Variants in ATAD2 observed in about 807,000 individuals in gnomAD.
ATAD2 encodes ATPase family AAA domain containing 2, also known as ATPase family AAA domain-containing protein 2.
A neutral mutation model predicts 168.9 loss-of-function variants in ATAD2; 62 were observed. That is an observed-to-expected ratio of 0.37 (90% CI 0.30 to 0.45). The LOEUF is 0.45. Among genes scored for constraint, ATAD2 ranks in the 20% least tolerant of loss-of-function variants. The pLI, the probability that ATAD2 is intolerant of heterozygous loss-of-function variation, is 1.00. For missense variants in ATAD2, 1,419 were observed against 1,667.8 expected, an observed-to-expected ratio of 0.85 and a Z score of 2.60; for synonymous variants, 613 against 571.6, an observed-to-expected ratio of 1.07 and a Z score of -1.03.
intron 8 of ATAD2, among the ~76,000 whole-genome samples, chr8:123,362,638 G>C (rs1828861315): frequency 6.6e-6 from 1 of 151,190 alleles, no homozygotes; most frequent in African/African-American, 2.4e-5. Context: ...GGCTGGTCTT[G>C]AACTCCTGAC....
chr8:123,384,235 G>A (rs997917334), intron 1 of ATAD2, among the ~76,000 whole-genome samples: 1 of 152,068 alleles, frequency 6.6e-6, no homozygotes, highest in Non-Finnish European at 1.5e-5. Context: ...TTTTTGGCAA[G>A]TGACTTTTGA....
rs1251698830 is a variant in ATAD2, at chr8:123,328,441, T to C, written c.3617A>G (p.Gln1206Arg). 6.2e-7 allele frequency: 1 copy of C among 1,611,136 alleles called. No homozygotes were observed. The highest frequency in any genetic ancestry group is 2.2e-5 in the East Asian group (1 of 44,796). The change falls in exon 25 of 28, where the codon CAA (glutamine) becomes CGA (arginine). Residue 1206 changes from glutamine (Q) to arginine (R), a missense_variant. By Grantham distance (43) the Gln-to-Arg change is conservative. This residue lies in a region of ATAD2 where 303 missense variants were observed against 304.3 expected (regional missense o/e 1.00). Coordinates refer to ENST00000287394, the MANE Select transcript of ATAD2 (RefSeq NM_014109.4). ...HKIESDTEET[Q>R]DTSVDHNETG... ...CTCATTATGATCTACACTTGTGTCT[T>C]GAGTTTCCTCTGTATCACTCTCAAT...
intron 1 of ATAD2, among the ~76,000 whole-genome samples, chr8:123,392,435 A>C (rs1295512175): frequency 6.6e-6 from 1 of 152,090 alleles, no homozygotes; most frequent in Non-Finnish European, 1.5e-5. Context: ...AATCATAGTC[A>C]CACAGCTTAC....
At chr8:123,393,958 C>T (rs1318373145) in intron 1 of ATAD2, among the ~76,000 whole-genome samples, 1 of 152,096 alleles carries the variant, frequency 6.6e-6, no homozygotes, top group Non-Finnish European at 1.5e-5. Context: ...GAGATTATGG[C>T]TTGAACCAGC....
rs1260348884 is a variant in ATAD2 at position 123,402,223 on chromosome 8, T to C, written c.-2281-1048A>G. ...TTTGCACTACGGGTTCCCCAGCTCC[T>C]TTCCAGGGAGAGAGGAGGCGAAGTT... On this transcript the variant is annotated intron_variant, in intron 1 of 28. Coordinates refer to the ATAD2 transcript ENST00000521903. The surrounding 1 kb of genome is among the most constrained non-coding windows in gnomAD (Gnocchi z 4.8). The C allele has an allele frequency of 5.0e-6, 3 of 600,322 alleles. No individual in the cohort carries two copies. In the East Asian group the frequency reaches 8.6e-5, roughly 17 times the overall value. 37.2% of individuals were successfully genotyped at this position (600,322 alleles called of 1,614,324 possible).
intron 6 of ATAD2, 107 bp downstream of exon 6, chr8:123,370,796 C>T (rs555537650): frequency 2.6e-6 from 2 of 763,224 alleles, no homozygotes; most frequent in African/African-American, 1.8e-5. Context: ...TCTGATCTCT[C>T]ACAAACTACC....
At chr8:123,396,457 A>G, upstream of ATAD2, 5 of 1,293,350 alleles carry the variant, frequency 3.9e-6, no homozygotes, top group African/African-American at 1.6e-5. Context: ...TGGCGCCACA[A>G]GCTCCGCGCC....
At chr8:123,373,743 C>T (rs890122343) in intron 2 of ATAD2, among the ~76,000 whole-genome samples, 2 of 148,328 alleles carry the variant, frequency 1.3e-5, no homozygotes, top group South Asian at 2.1e-4. Flanking sequence ...GAGCCGAGAT[C>T]CCGCCACTGC....
chr8:123,401,443 A>G, upstream of ATAD2: 2 of 1,457,726 alleles, frequency 1.4e-6, no homozygotes, highest in East Asian at 4.6e-5. Context: ...TATTACGTCA[A>G]ACAGAAGTAC....
At chr8:123,366,374 G>C (rs1828978855) in intron 8 of ATAD2, among the ~76,000 whole-genome samples, 2 of 152,172 alleles carry the variant, frequency 1.3e-5, no homozygotes, top group South Asian at 4.1e-4. Context: ...AGAGTTAAAA[G>C]TAGAACTACC....
intron 13 of ATAD2, among the ~76,000 whole-genome samples, chr8:123,351,371 C>T (rs75595989): frequency 0.016 from 2,476 of 152,250 alleles, 36 homozygotes; most frequent in Non-Finnish European, 0.024. Context: ...GTTTAACAGC[C>T]TTCATCTACC....
At chr8:123,332,411 A>G (rs887487774) in intron 24 of ATAD2, among the ~76,000 whole-genome samples, 8 of 152,212 alleles carry the variant, frequency 5.3e-5, no homozygotes, top group Non-Finnish European at 1.2e-4. Flanking sequence ...CCCTTATTCT[A>G]ATTCTAGTCA....
intron 1 of ATAD2, among the ~76,000 whole-genome samples, chr8:123,385,594 G>C (rs745777514): frequency 3.3e-5 from 5 of 151,968 alleles, no homozygotes; most frequent in Non-Finnish European, 7.4e-5. Flanking sequence ...CATTGGATTT[G>C]GCAATGATTT....
intron 1 of ATAD2, among the ~76,000 whole-genome samples, chr8:123,382,094 C>G (rs1429192220): frequency 6.6e-6 from 1 of 152,122 alleles, no homozygotes; most frequent in Non-Finnish European, 1.5e-5. Context: ...TCAAAGGTTC[C>G]TAACAACTCT....
chr8:123,345,172 A>C (rs1828198279), intron 18 of ATAD2, 103 bp from the exon 19 acceptor site: 3 of 982,958 alleles, frequency 3.1e-6, no homozygotes, highest in Admixed American at 3.1e-5. Context: ...GTAACATATA[A>C]AGTCCTCAAG....
chr8:123,367,331 C>T (rs555135855), intron 8 of ATAD2, among the ~76,000 whole-genome samples: 1 of 152,186 alleles, frequency 6.6e-6, no homozygotes, highest in Non-Finnish European at 1.5e-5. Context: ...GCAGAAGAAT[C>T]GCTTGAACCC....
intron 1 of ATAD2, among the ~76,000 whole-genome samples, chr8:123,391,525 T>G (rs1288826382): frequency 7.5e-6 from 1 of 133,570 alleles, no homozygotes; most frequent in African/African-American, 3.0e-5. Context: ...CAGCCTGAGA[T>G]TAGACTAGGA....
At chr8:123,346,381 C>A in intron 17 of ATAD2, 109 bp from the exon 18 acceptor site, 2 of 1,116,410 alleles carry the variant, frequency 1.8e-6, no homozygotes, top group Non-Finnish European at 2.5e-6. Context: ...CCAATAAGGC[C>A]AACCAATCAT....
chr8:123,401,700 C>T (rs751484752), intron 1 of ATAD2: 9 of 748,414 alleles, frequency 1.2e-5, no homozygotes, highest in African/African-American at 3.4e-5. Context: ...AAGGTGCCGG[C>T]CCTTGGTGCC....
Sources: allele counts gnomAD v4.1 joint callset (sites outside exome capture counted in the v4.1 genomes callset), GRCh38; gene constraint gnomAD v4.1.1; regional missense constraint gnomAD v4.1.1; non-coding constraint Gnocchi (gnomAD v3.1); transcripts MANE v1.5; gene names NCBI Gene and HGNC (gene_info 2026-07-23, HGNC 2026-07-21).